Variants in WDR17 observed in about 807,000 individuals in gnomAD.
WDR17 encodes the protein WD repeat-containing protein 17.
WDR17 carries 143 observed loss-of-function variants against 161.7 expected under a neutral mutation model. That is an observed-to-expected ratio of 0.88 (90% CI 0.77 to 1.02). The LOEUF (loss-of-function observed/expected upper bound fraction) is 1.02. Among genes scored for constraint, WDR17 ranks in the 50% least tolerant of loss-of-function variants. The probability of loss-of-function intolerance (pLI) is 0.00; values close to 1 mark genes in which losing one functional copy is unlikely to be tolerated. For missense variants in WDR17, 1,469 were observed against 1,520.9 expected (o/e 0.97, Z 0.57); for synonymous variants, 517 against 515.6 (o/e 1.00, Z -0.04).
chr4:176,084,503 A>C (rs978522683), intron 1 of WDR17, among the ~76,000 whole-genome samples: 16 of 152,000 alleles, frequency 1.1e-4, no homozygotes, highest in African/African-American at 3.9e-4. Context: ...ATTGTGATCA[A>C]ATTTCAACAT....
chr4:176,113,366 T>C (rs1449551723), intron 2 of WDR17, among the ~76,000 whole-genome samples: 1 of 152,108 alleles, frequency 6.6e-6, no homozygotes, highest in African/African-American at 2.4e-5. Context: ...TTCTATGTCT[T>C]AAATTTTGTG....
At chr4:176,121,164 G>A (rs1489779730) in intron 4 of WDR17, among the ~76,000 whole-genome samples, 1 of 152,162 alleles carries the variant, frequency 6.6e-6, no homozygotes, top group African/African-American at 2.4e-5. Context: ...ATTAGCATGA[G>A]GAGGGATCAA....
intron 22 of WDR17, among the ~76,000 whole-genome samples, chr4:176,165,702 T>C (rs1009330671): frequency 9.9e-5 from 15 of 152,178 alleles, no homozygotes; most frequent in African/African-American, 3.4e-4. Context: ...ATCATAAAGG[T>C]CTTTATCTAC....
intron 17 of WDR17, among the ~76,000 whole-genome samples, chr4:176,154,922 ACAAT>A (rs1747823582): frequency 6.6e-6 from 1 of 152,206 alleles, no homozygotes; most frequent in Non-Finnish European, 1.5e-5. Flanking sequence ...TATAACAGTA[ACAAT>A]CAGCCTTTAT....
At chr4:176,067,120 T>TA (rs1227127169) in intron 1 of WDR17, among the ~76,000 whole-genome samples, 4 of 152,164 alleles carry the variant, frequency 2.6e-5, no homozygotes, top group Non-Finnish European at 5.9e-5. Flanking sequence ...AAAGCACTCT[T>TA]ACATCCTTTT....
intron 1 of WDR17, among the ~76,000 whole-genome samples, chr4:176,069,253 T>TTA (rs910759294): frequency 1.4e-4 from 21 of 151,476 alleles, no homozygotes; most frequent in South Asian, 1.2e-3. Flanking sequence ...GGAAAATAAT[T>TTA]TATATATATA....
At chr4:176,138,052 G>C (rs1020622188) in intron 9 of WDR17, among the ~76,000 whole-genome samples, 2 of 151,526 alleles carry the variant, frequency 1.3e-5, no homozygotes, top group African/African-American at 2.4e-5. Flanking sequence ...CAATTATTCC[G>C]TGCAGAGCCT....
chr4:176,148,376 C>T, intron 13 of WDR17, 41 bp downstream of exon 13: 1 of 1,540,298 alleles, frequency 6.5e-7, no homozygotes, highest in Non-Finnish European at 9.0e-7. Context: ...GTTATATTGA[C>T]ATACTAATGA....
intron 3 of WDR17, among the ~76,000 whole-genome samples, chr4:176,117,462 C>T (rs1740829016): frequency 6.6e-6 from 1 of 151,962 alleles, no homozygotes; most frequent in South Asian, 2.1e-4. Flanking sequence ...AAAGATGTAA[C>T]ACAAAGTCAA....
chr4:176,101,677 A>G (rs1737851530), intron 1 of WDR17, among the ~76,000 whole-genome samples: 1 of 152,218 alleles, frequency 6.6e-6, no homozygotes, highest in South Asian at 2.1e-4. Flanking sequence ...AAAAGGATAG[A>G]CAGATAGATC....
At chr4:176,147,192 G>A (rs972847952) in intron 12 of WDR17, among the ~76,000 whole-genome samples, 1 of 152,030 alleles carries the variant, frequency 6.6e-6, no homozygotes, top group Admixed American at 6.6e-5. Context: ...AAAGCAGAAA[G>A]GGATATGCCT....
At chr4:176,156,880 C>T (rs1017663661) in intron 18 of WDR17, among the ~76,000 whole-genome samples, 3 of 152,018 alleles carry the variant, frequency 2.0e-5, no homozygotes, top group African/African-American at 4.8e-5. Flanking sequence ...CTTTTTGACA[C>T]GTCACTCCAG....
chr4:176,159,410 A>G (rs753305714), intron 18 of WDR17, among the ~76,000 whole-genome samples: 21 of 152,056 alleles, frequency 1.4e-4, no homozygotes, highest in East Asian at 1.2e-3. Flanking sequence ...ACCCTTCACA[A>G]TCTCTAAGAT....
chr4:176,119,412 C>T (rs1056503239), intron 3 of WDR17, among the ~76,000 whole-genome samples: 2 of 152,024 alleles, frequency 1.3e-5, no homozygotes, highest in African/African-American at 4.8e-5. Context: ...GTTTTTAAAT[C>T]CTTATAGTAG....
chr4:176,073,629 A>T lies in WDR17; in HGVS notation c.-7+7550A>T, dbSNP rs868171218. Among the ~76,000 whole-genome samples the T allele has an allele frequency of 4.7e-3, 699 of 150,056 alleles. 5 individuals are homozygous for T. Among genetic ancestry groups the T allele is most frequent in the African/African-American group, 0.016 (642 of 41,082 alleles). ...CTTTGGGTATATACCCAGTAATGGG[A>T]TGGCTGGGTCAAATGGTATTTCTAG... On this transcript the variant is annotated intron_variant, in intron 1 of 28. Transcript: ENST00000508596.
At chr4:176,083,171 A>G (rs1419498238) in intron 1 of WDR17, among the ~76,000 whole-genome samples, 1 of 137,214 alleles carries the variant, frequency 7.3e-6, no homozygotes, top group Non-Finnish European at 1.7e-5. Context: ...CCCTAATGCA[A>G]GTGATTTTTT....
At chr4:176,114,263 T>A (rs1483918042) in intron 2 of WDR17, among the ~76,000 whole-genome samples, 1 of 152,078 alleles carries the variant, frequency 6.6e-6, no homozygotes, top group Non-Finnish European at 1.5e-5. Flanking sequence ...TTTAAATAAG[T>A]CAACTTAAAA....
chr4:176,149,189 A>C (rs1746690430), intron 13 of WDR17, among the ~76,000 whole-genome samples: 1 of 152,068 alleles, frequency 6.6e-6, no homozygotes, highest in South Asian at 2.1e-4. Flanking sequence ...CACACGAAAT[A>C]TACTTTTAAC....
In WDR17 at chr4:176,168,653, C is replaced by T; in HGVS notation, c.2991-19C>T. On this transcript the variant is annotated intron_variant, in intron 22 of 28. Coordinates refer to ENST00000508596, the MANE Select transcript of WDR17 (RefSeq NM_181265.4). ...AAATCTTCTCCTCAATGAAGTGTCC[C>T]CTTTTGTTACGTTAACAGGAATTTG... 1 of 1,612,820 alleles carries T rather than the reference C, an allele frequency of 6.2e-7. No homozygotes were observed. Among genetic ancestry groups the T allele is most frequent in the Non-Finnish European group, 8.5e-7 (1 of 1,179,488 alleles).
Sources: gnomAD v4.1 joint callset for allele counts (sites outside exome capture counted in the v4.1 genomes callset) on GRCh38, gnomAD v4.1.1 for gene constraint, MANE v1.5 for transcripts, NCBI Gene and HGNC (gene_info 2026-07-23, HGNC 2026-07-21) for gene names.